Variants in PHACTR1 observed in about 807,000 individuals in gnomAD.
PHACTR1 encodes phosphatase and actin regulator 1.
PHACTR1 carries 16 observed loss-of-function variants against 69.2 expected under a neutral mutation model. The ratio of observed to expected loss-of-function variants is 0.23; its 90% CI spans 0.16 to 0.35. The LOEUF (loss-of-function observed/expected upper bound fraction) is 0.35. Among genes scored for constraint, PHACTR1 ranks in the 10% least tolerant of loss-of-function variants. The pLI is 1.00. For missense variants in PHACTR1, 510 were observed against 734.7 expected (o/e 0.69, Z 3.54); for synonymous variants, 312 against 284.5 (o/e 1.10, Z -0.97).
intron 5 of PHACTR1, among the ~76,000 whole-genome samples, chr6:13,095,162 A>G (rs923690785): frequency 1.1e-4 from 16 of 152,212 alleles, no homozygotes; most frequent in African/African-American, 3.6e-4. Context: ...ACTGTGAGAA[A>G]TGAATTTCTG....
chr6:12,907,250 A>G (rs549734156), intron 4 of PHACTR1, among the ~76,000 whole-genome samples: 1 of 152,342 alleles, frequency 6.6e-6, no homozygotes, highest in African/African-American at 2.4e-5. Flanking sequence ...TTACTAGTGC[A>G]TCAGAAAAAT....
chr6:12,778,005 T>A (rs1178678689), intron 4 of PHACTR1, among the ~76,000 whole-genome samples: 1 of 152,154 alleles, frequency 6.6e-6, no homozygotes, highest in Non-Finnish European at 1.5e-5. Context: ...TCTCAGTGAC[T>A]GTGTTGGCCC....
At chr6:13,264,680 C>T (rs1162946261) in intron 10 of PHACTR1, among the ~76,000 whole-genome samples, 3 of 152,144 alleles carry the variant, frequency 2.0e-5, no homozygotes, top group African/African-American at 7.2e-5. Flanking sequence ...GTTTGCACCA[C>T]TGCACTCCAG....
At chr6:12,908,627 G>A (rs1351306554) in intron 4 of PHACTR1, among the ~76,000 whole-genome samples, 1 of 152,182 alleles carries the variant, frequency 6.6e-6, no homozygotes, top group Admixed American at 6.5e-5. Flanking sequence ...AGATAAGAAT[G>A]GGGCAGGTGA....
In PHACTR1 at chr6:13,042,943, C is replaced by T. The variant is rs563685785; in HGVS notation, c.251-10422C>T. Among the ~76,000 whole-genome samples the T allele has an allele frequency of 2.6e-5, 4 of 152,312 alleles. No individual in the cohort carries two copies. The East Asian group carries it at 7.7e-4, about 29-fold the overall frequency. ...TTTAGTTGCAAGTAAAAGAGAACCC[C>T]ACTCAACCTAGTGTAAGTAAAAAAG... On this transcript the variant is annotated intron_variant, in intron 4 of 14. Coordinates refer to ENST00000332995, the MANE Select transcript of PHACTR1 (RefSeq NM_030948.6).
rs1360177893 is a variant in PHACTR1 at position 12,946,885 on chromosome 6, T to A, written c.251-106480T>A. ...TGGAGTGCAGTGGCACAATCTCGGC[T>A]CACTGCAACCTCCACCTCCCCGGTC... On this transcript the variant is annotated intron_variant, in intron 4 of 14. Coordinates refer to ENST00000332995, the MANE Select transcript of PHACTR1 (RefSeq NM_030948.6). Among the ~76,000 whole-genome samples the A allele has an allele frequency of 5.0e-5, 7 of 140,460 alleles. No individual in the cohort carries two copies. The East Asian group carries it at 1.5e-3, about 30-fold the overall frequency. 92.1% of individuals were successfully genotyped at this position (140,460 alleles called of 152,430 possible). A position where few individuals can be genotyped will look rare whatever the true frequency, so the allele number is the denominator to read the frequency against.
intron 4 of PHACTR1, among the ~76,000 whole-genome samples, chr6:12,973,916 A>ATTTTTTTTTTTTTTTTTTTTTTTTTT (rs33948457): frequency 1.1e-5 from 1 of 92,868 alleles, no homozygotes; most frequent in African/African-American, 4.4e-5. Context: ...AGAGGCTGGG[A>ATTTTTTTTTTTTTTTTTTTTTTTTTT]TTTTTTTTTT....
Position 13,176,004 on chromosome 6 carries a change from G to A in PHACTR1, c.497-6515G>A, listed in dbSNP as rs1325974872. Among the ~76,000 whole-genome samples the A allele has an allele frequency of 5.3e-5, 8 of 152,008 alleles. No homozygotes were observed. In the East Asian group the frequency reaches 9.7e-4, roughly 18 times the overall value. On this transcript the variant is annotated intron_variant, in intron 6 of 14. Transcript: ENST00000332995. ...TGGCTCCCCCAGTGGAGACACAGGG[G>A]CCAGTGCTTATACCCCAGCAATGAA...
chr6:12,871,238 G>A (rs1217088148), intron 4 of PHACTR1, among the ~76,000 whole-genome samples: 3 of 152,174 alleles, frequency 2.0e-5, no homozygotes, highest in Non-Finnish European at 2.9e-5. Context: ...TGTGCTACTG[G>A]ACTTTGGGAC....
chr6:12,985,498 A>G (rs1206939582), intron 4 of PHACTR1, among the ~76,000 whole-genome samples: 1 of 148,064 alleles, frequency 6.8e-6, no homozygotes, highest in East Asian at 1.9e-4. Flanking sequence ...ACCATACTAC[A>G]TCATCAGAAG....
intron 4 of PHACTR1, among the ~76,000 whole-genome samples, chr6:12,772,950 T>G (rs778095883): frequency 1.3e-5 from 2 of 152,222 alleles, no homozygotes; most frequent in Non-Finnish European, 2.9e-5. Flanking sequence ...CATTTTTAAT[T>G]TAAACTTCTA....
intron 7 of PHACTR1, among the ~76,000 whole-genome samples, chr6:13,183,303 C>A (rs1420659230): frequency 6.6e-6 from 1 of 152,276 alleles, no homozygotes; most frequent in South Asian, 2.1e-4. Context: ...CAAAATAGGT[C>A]CCTCCTGACA....
intron 3 of PHACTR1, among the ~76,000 whole-genome samples, chr6:12,737,008 CATATACATATAT>C (rs1448557193): frequency 6.7e-6 from 1 of 149,334 alleles, no homozygotes. Flanking sequence ...TATGTATATA[CATATACATATAT>C]ATACCTTACC....
At chr6:13,251,296 T>C (rs763922971) in intron 10 of PHACTR1, among the ~76,000 whole-genome samples, 36 of 152,284 alleles carry the variant, frequency 2.4e-4, no homozygotes, top group Admixed American at 5.2e-4. Flanking sequence ...CGTTACACAA[T>C]CAGTCGTTCC....
chr6:12,862,586 T>C (rs1781050496), intron 4 of PHACTR1, among the ~76,000 whole-genome samples: 1 of 152,140 alleles, frequency 6.6e-6, no homozygotes, highest in African/African-American at 2.4e-5. Flanking sequence ...TTACTACTCA[T>C]ACAGCCATTA....
chr6:13,135,796 G>A (rs1161949555), intron 5 of PHACTR1, among the ~76,000 whole-genome samples: 1 of 152,018 alleles, frequency 6.6e-6, no homozygotes, highest in Non-Finnish European at 1.5e-5. Flanking sequence ...AGGGAAGGGG[G>A]TATGGCTTGA....
intron 5 of PHACTR1, among the ~76,000 whole-genome samples, chr6:13,113,952 A>G (rs1405465138): frequency 6.6e-6 from 1 of 152,238 alleles, no homozygotes; most frequent in South Asian, 2.1e-4. Context: ...AAGCAATAAA[A>G]CTATATTAAT....
intron 4 of PHACTR1, among the ~76,000 whole-genome samples, chr6:13,021,684 G>A (rs889418776): frequency 6.6e-6 from 1 of 152,134 alleles, no homozygotes; most frequent in Non-Finnish European, 1.5e-5. Context: ...CAATTTTTCT[G>A]ACATTTGTTA....
chr6:12,918,029 A>G (rs954107990), intron 4 of PHACTR1, among the ~76,000 whole-genome samples: 8 of 152,236 alleles, frequency 5.3e-5, no homozygotes, highest in Admixed American at 2.0e-4. Context: ...GTGATATGAA[A>G]CAGATACAAT....
Sources: allele counts gnomAD v4.1 joint callset (sites outside exome capture counted in the v4.1 genomes callset), GRCh38; gene constraint gnomAD v4.1.1; transcripts MANE v1.5; gene names NCBI Gene and HGNC (gene_info 2026-07-23, HGNC 2026-07-21).